Variants in MVP observed in about 807,000 individuals in gnomAD.
The protein encoded by MVP is lung resistance-related protein.
Under a neutral mutation model 83.5 loss-of-function variants are expected in MVP, and 62 were observed. That is an observed-to-expected ratio of 0.74 (90% CI 0.61 to 0.92). The LOEUF is 0.92. Among genes scored for constraint, MVP ranks in the 40% least tolerant of loss-of-function variants. MVP has a pLI of 0.00. For synonymous variants in MVP, 505 were observed against 504.1 expected (o/e 1.00, Z -0.02); for missense variants, 1,000 against 1,203.4 (o/e 0.83, Z 2.50).
chr16:29,832,803 G>A (rs978407614), intron 3 of MVP, among the ~76,000 whole-genome samples: 2 of 151,400 alleles, frequency 1.3e-5, no homozygotes, highest in African/African-American at 4.8e-5. Context: ...AGTGGCTCAC[G>A]CCTGTAATCC....
intron 7 of MVP, among the ~76,000 whole-genome samples, chr16:29,838,515 A>T (rs1349417497): frequency 6.6e-6 from 1 of 152,174 alleles, no homozygotes; most frequent in Non-Finnish European, 1.5e-5. Flanking sequence ...CATACAATGG[A>T]ATATCATTCA....
At chr16:29,822,618 G>A (rs988219718) in intron 1 of MVP, 1 of 152,286 alleles carries the variant, frequency 6.6e-6, no homozygotes, top group African/African-American at 2.4e-5. Flanking sequence ...TGGAGCAAGA[G>A]CCCTGGGGTT....
chr16:29,832,641 G>A (rs568862881), intron 3 of MVP, among the ~76,000 whole-genome samples: 8 of 146,042 alleles, frequency 5.5e-5, no homozygotes, highest in Middle Eastern at 7.0e-3. Flanking sequence ...TTGCCTAGAC[G>A]AGAGTGCAGT....
At chr16:29,844,173 C>G (rs893296293) in intron 10 of MVP, among the ~76,000 whole-genome samples, 1 of 152,194 alleles carries the variant, frequency 6.6e-6, no homozygotes, top group Non-Finnish European at 1.5e-5. Flanking sequence ...TGATCATTGC[C>G]ATCTCATAGG....
At chr16:29,839,509 G>A (rs918772216) in intron 7 of MVP, among the ~76,000 whole-genome samples, 5 of 152,164 alleles carry the variant, frequency 3.3e-5, no homozygotes, top group Admixed American at 6.6e-5. Flanking sequence ...GGTGCTGGGC[G>A]TGGTGGCTCA....
At chr16:29,845,208 A>G (rs1321390138) in intron 11 of MVP, among the ~76,000 whole-genome samples, 10 of 151,494 alleles carry the variant, frequency 6.6e-5, no homozygotes, top group Non-Finnish European at 1.3e-4. Context: ...AGAAAAAAAA[A>G]AAAAAAAGCA....
At chr16:29,825,676 C>T (rs906426999) in intron 1 of MVP, among the ~76,000 whole-genome samples, 2 of 152,176 alleles carry the variant, frequency 1.3e-5, no homozygotes, top group African/African-American at 4.8e-5. Flanking sequence ...GAGGATGACT[C>T]TTGCTGAGTC....
intron 11 of MVP, among the ~76,000 whole-genome samples, chr16:29,845,080 T>A (rs2067572549): frequency 6.6e-6 from 1 of 151,128 alleles, no homozygotes; most frequent in African/African-American, 2.4e-5. Flanking sequence ...CCCAGCACTG[T>A]GAGAGGCTGA....
intron 1 of MVP, among the ~76,000 whole-genome samples, chr16:29,824,680 C>T (rs2067392842): frequency 1.3e-5 from 2 of 152,102 alleles, no homozygotes; most frequent in South Asian, 4.1e-4. Flanking sequence ...ATTGCTTGAA[C>T]CTGGGAGGTA....
rs2067533654 is a variant in MVP at position 29,841,448 on chromosome 16, A to G, written c.1192-148A>G. 1.8e-6 allele frequency: 2 copies of G among 1,108,952 alleles called. No individual in the cohort carries two copies. The highest frequency in any genetic ancestry group is 3.2e-5 in the African/African-American group (2 of 63,250). 68.7% of individuals were successfully genotyped at this position (1,108,952 alleles called of 1,614,324 possible). Reference sequence around the variant, plus strand: ...ACGATGACAGGGCCAGCAGATGGCAAACCCGGGGTGGAGCCTGGCCTCCCC... The same window carrying G: ...ACGATGACAGGGCCAGCAGATGGCAGACCCGGGGTGGAGCCTGGCCTCCCC... On this transcript the variant is annotated intron_variant, in intron 8 of 14. Coordinates refer to ENST00000357402, the MANE Select transcript of MVP (RefSeq NM_005115.5). The surrounding 1 kb of genome is among the most constrained non-coding windows in gnomAD (Gnocchi z 4.7).
chr16:29,839,896 A>T (rs960404892), intron 7 of MVP, among the ~76,000 whole-genome samples: 2 of 152,016 alleles, frequency 1.3e-5, no homozygotes, highest in Non-Finnish European at 2.9e-5. Context: ...GAGAAAGAAG[A>T]AAAAACAGGT....
chr16:29,837,091 T>G, intron 7 of MVP, 133 bp downstream of exon 7: 1 of 807,718 alleles, frequency 1.2e-6, no homozygotes, highest in Non-Finnish European at 1.9e-6. Context: ...GCTTAGTTCT[T>G]ACACACCTGA....
Position 29,845,920 on chromosome 16 carries a change from C to A in MVP, c.2079C>A (p.Ile693=), listed in dbSNP as rs1276521222. Residue 693 remains isoleucine (I), a synonymous_variant, in exon 12 of 15, where the codon ATC becomes ATA. Transcript: ENST00000357402. ...GCGGCCGGCTTGAGCGGCAGAAGAT[C>A]CTGGACCAGTCAGAAGCCGAGAAAG... ...EARGRLERQK[I]LDQSEAEKAR... is the part of the protein sequence containing the mutation. The A allele has an allele frequency of 1.9e-6, 3 of 1,614,192 alleles. No homozygotes were observed. Among genetic ancestry groups the A allele is most frequent in the Middle Eastern group, 3.3e-4 (2 of 6,058 alleles).
At chr16:29,834,090 T>C (rs780311328) in intron 5 of MVP, 24 bp downstream of exon 5, 18 of 1,609,750 alleles carry the variant, frequency 1.1e-5, no homozygotes, top group Non-Finnish European at 1.5e-5. Context: ...GGGGCGATGA[T>C]GGTGGGTGGG....
Position 29,846,227 on chromosome 16 carries a change from G to T in MVP, c.2208G>T (p.Glu736Asp). Residue 736 changes from glutamate (E) to aspartate (D), a missense_variant, in exon 13 of 15, where the codon GAG becomes GAT. Coordinates refer to ENST00000357402, the MANE Select transcript of MVP (RefSeq NM_005115.5). The part of the protein sequence containing the change: ...AESRAEAARI[E>D]GEGSVLQAKL... ...CCCGTGCGGAGGCAGCCCGGATTGA[G>T]GGAGAAGGGTCCGTGCTGCAGGCCA... The T allele has an allele frequency of 6.3e-7, 1 of 1,590,014 alleles. No homozygotes were observed. Among genetic ancestry groups the T allele is most frequent in the East Asian group, 2.3e-5 (1 of 43,780 alleles).
chr16:29,845,537 CTT>C (rs1229195784), intron 11 of MVP, among the ~76,000 whole-genome samples: 2 of 152,194 alleles, frequency 1.3e-5, no homozygotes, highest in African/African-American at 4.8e-5. Flanking sequence ...TTGGGGAACA[CTT>C]TTCTTTCTCT....
chr16:29,843,014 C>T (rs1271186589), intron 10 of MVP, among the ~76,000 whole-genome samples: 2 of 152,240 alleles, frequency 1.3e-5, no homozygotes, highest in Non-Finnish European at 2.9e-5. Flanking sequence ...CTGCTGTTTG[C>T]AGCCTGTGGA....
chr16:29,830,398 C>G (rs1048268191), intron 1 of MVP, 117 bp from the exon 2 acceptor site: 1 of 796,124 alleles, frequency 1.3e-6, no homozygotes, highest in Non-Finnish European at 2.0e-6. Context: ...GGGAAGGGTG[C>G]AGTGGCCTGG....
rs745425131 is a variant in MVP at position 29,847,829 on chromosome 16, T to G, written c.2522T>G (p.Leu841Arg). Reference protein sequence around the residue: ...LITDGSTPINLFNTAFGLLGM... With the variant: ...LITDGSTPINRFNTAFGLLGM... ...ACCGATGGCTCCACTCCCATCAACC[T>G]CTTCAACACAGCCTTTGGGCTGCTG... Residue 841 changes from leucine (L) to arginine (R), a missense_variant, in exon 15 of 15, where the codon CTC becomes CGC. Coordinates refer to ENST00000357402, the MANE Select transcript of MVP (RefSeq NM_005115.5). The G allele has an allele frequency of 6.2e-7, 1 of 1,614,024 alleles. No individual in the cohort carries two copies. Among genetic ancestry groups the G allele is most frequent in the African/African-American group, 1.3e-5 (1 of 74,916 alleles).
Sources: gnomAD v4.1 joint callset for allele counts (sites outside exome capture counted in the v4.1 genomes callset) on GRCh38, gnomAD v4.1.1 for gene constraint, Gnocchi (gnomAD v3.1) non-coding constraint, MANE v1.5 for transcripts, NCBI Gene and HGNC (gene_info 2026-07-23, HGNC 2026-07-21) for gene names.